Variants in NAV3 observed in about 807,000 individuals in gnomAD.
NAV3 encodes neuron navigator 3.
A neutral mutation model predicts 244.7 loss-of-function variants in NAV3; 87 were observed. The observed-to-expected ratio is 0.36, with a 90% CI of 0.30 to 0.42. NAV3 has a LOEUF of 0.42. NAV3 is among the 20% of genes least tolerant of loss of function. NAV3 has a pLI of 1.00. For missense variants in NAV3, 2,663 were observed against 2,893.3 expected (o/e 0.92, Z 1.83); for synonymous variants, 1,126 against 1,042.2 (o/e 1.08, Z -1.55).
chr12:78,003,634 G>A (rs1431196734), intron 7 of NAV3, among the ~76,000 whole-genome samples: 1 of 152,182 alleles, frequency 6.6e-6, no homozygotes, highest in African/African-American at 2.4e-5. Context: ...ACAGCTAACT[G>A]AGGTTCCAGA....
At chr12:77,757,902 C>T (rs1477431945) in intron 2 of NAV3, among the ~76,000 whole-genome samples, 1 of 152,194 alleles carries the variant, frequency 6.6e-6, no homozygotes, top group Non-Finnish European at 1.5e-5. Flanking sequence ...TCCATCAGAA[C>T]CTTCTGAGAC....
chr12:77,700,158 G>A (rs1875496756), intron 2 of NAV3, among the ~76,000 whole-genome samples: 1 of 152,136 alleles, frequency 6.6e-6, no homozygotes, highest in Admixed American at 6.6e-5. Flanking sequence ...TGAAATGATT[G>A]ATTAACACTC....
At chr12:78,095,627 C>G (rs1954210390) in intron 12 of NAV3, among the ~76,000 whole-genome samples, 1 of 152,122 alleles carries the variant, frequency 6.6e-6, no homozygotes, top group African/African-American at 2.4e-5. Context: ...CAGCAATACT[C>G]TACTGGGAAA....
At chr12:78,081,744 C>T (rs2137836002) in intron 12 of NAV3, among the ~76,000 whole-genome samples, 1 of 152,278 alleles carries the variant, frequency 6.6e-6, no homozygotes. Context: ...GTTATCTTCC[C>T]TGGAGTTAAG....
chr12:78,175,570 C>A (rs879635462), intron 25 of NAV3, 143 bp downstream of exon 25: 34 of 1,043,124 alleles, frequency 3.3e-5, no homozygotes, highest in Non-Finnish European at 4.6e-5. Context: ...CACTCATCAC[C>A]AAAATTGGAG....
At chr12:77,633,637 T>C (rs1022601590) in intron 2 of NAV3, among the ~76,000 whole-genome samples, 33 of 152,134 alleles carry the variant, frequency 2.2e-4, no homozygotes, top group African/African-American at 5.8e-4. Flanking sequence ...TCCAAAAAAA[T>C]ACTATTTTAT....
intron 2 of NAV3, among the ~76,000 whole-genome samples, chr12:77,816,987 T>C (rs1356517984): frequency 6.6e-6 from 1 of 152,170 alleles, no homozygotes; most frequent in Non-Finnish European, 1.5e-5. Flanking sequence ...TGGGCAAAGG[T>C]GTGGCTGCAC....
chr12:78,053,411 G>A (rs1299592471), intron 11 of NAV3, among the ~76,000 whole-genome samples: 1 of 151,924 alleles, frequency 6.6e-6, no homozygotes, highest in Non-Finnish European at 1.5e-5. Context: ...GTGAGCATTT[G>A]GCCACAATAT....
chr12:78,002,730 C>T (rs1873519520), intron 7 of NAV3, among the ~76,000 whole-genome samples: 1 of 151,946 alleles, frequency 6.6e-6, no homozygotes, highest in Non-Finnish European at 1.5e-5. Context: ...TTACTTAATA[C>T]TTATATAAGC....
At chr12:78,153,878 G>A (rs758745431) in intron 22 of NAV3, among the ~76,000 whole-genome samples, 25 of 151,706 alleles carry the variant, frequency 1.6e-4, no homozygotes, top group Non-Finnish European at 3.1e-4. Context: ...TATTATTAAT[G>A]AGAAACACTT....
chr12:77,742,153 T>G (rs1242849290), intron 2 of NAV3, among the ~76,000 whole-genome samples: 1 of 152,114 alleles, frequency 6.6e-6, no homozygotes, highest in Non-Finnish European at 1.5e-5. Context: ...CTATACAAGT[T>G]GTCCTATTGC....
At chr12:77,764,522 AATC>A (rs1373894909) in intron 2 of NAV3, among the ~76,000 whole-genome samples, 1 of 152,252 alleles carries the variant, frequency 6.6e-6, no homozygotes, top group Non-Finnish European at 1.5e-5. Context: ...AGATCACTTT[AATC>A]AAGTTCCAAA....
At chr12:77,981,044 AG>A (rs1405960199) in intron 5 of NAV3, among the ~76,000 whole-genome samples, 1 of 152,346 alleles carries the variant, frequency 6.6e-6, no homozygotes, top group East Asian at 1.9e-4. Context: ...AAGTTATCAC[AG>A]TAACCTGTCC....
intron 2 of NAV3, among the ~76,000 whole-genome samples, chr12:77,727,993 T>G (rs149227008): frequency 2.6e-5 from 4 of 151,964 alleles, no homozygotes; most frequent in Non-Finnish European, 5.9e-5. Flanking sequence ...TCAGTATTTT[T>G]TTTTTAGATG....
intron 2 of NAV3, among the ~76,000 whole-genome samples, chr12:77,716,394 G>A (rs1375618824): frequency 6.6e-6 from 1 of 151,444 alleles, no homozygotes; most frequent in Non-Finnish European, 1.5e-5. Flanking sequence ...AGAGTTTTAA[G>A]AGAAAAATTA....
At chr12:77,696,922 G>T (rs555473822) in intron 2 of NAV3, among the ~76,000 whole-genome samples, 12 of 152,204 alleles carry the variant, frequency 7.9e-5, no homozygotes, top group African/African-American at 2.9e-4. Flanking sequence ...AAAATCTTAC[G>T]CTTCTATAGC....
At position 78,185,690 on chromosome 12, in the gene NAV3, C is replaced by T. The variant is rs2139806136; in HGVS notation, c.5782C>T (p.Arg1928Ter). ...IIVSISKGYGRAKDQKSQAYL... is the reference protein window; with the variant it reads ...IIVSISKGYG Reference sequence around the variant, plus strand: ...AGTCTCCATAAGCAAGGGCTATGGTCGAGCAAAGGTACTTCTTTAATCTTA... The same window carrying T: ...AGTCTCCATAAGCAAGGGCTATGGTTGAGCAAAGGTACTTCTTTAATCTTA... Residue 1928 changes from arginine to a stop codon, truncating the protein, a stop_gained, in exon 31 of 40, where the codon CGA becomes TGA. Transcript: ENST00000397909. LOFTEE classifies it high-confidence loss of function. The T allele has an allele frequency of 1.2e-6, 2 of 1,606,924 alleles. No homozygotes were observed. Among genetic ancestry groups the T allele is most frequent in the Non-Finnish European group, 8.5e-7 (1 of 1,176,386 alleles).
chr12:77,578,849 T>C (rs1869216576), intron 2 of NAV3, among the ~76,000 whole-genome samples: 2 of 152,114 alleles, frequency 1.3e-5, no homozygotes, highest in East Asian at 3.9e-4. Flanking sequence ...CCCAAGCAGC[T>C]GCCGACAGAG....
chr12:78,171,315 T>C (rs141774683), intron 24 of NAV3, among the ~76,000 whole-genome samples: 1 of 151,828 alleles, frequency 6.6e-6, no homozygotes, highest in African/African-American at 2.4e-5. Flanking sequence ...TAAAAAGCCT[T>C]AATCCTTACT....
Sources: gnomAD v4.1 joint callset for allele counts (sites outside exome capture counted in the v4.1 genomes callset) on GRCh38, gnomAD v4.1.1 for gene constraint, MANE v1.5 for transcripts, NCBI Gene and HGNC (gene_info 2026-07-23, HGNC 2026-07-21) for gene names.